The following KIAA1549L variants were observed in gnomAD, a reference collection of about 807,000 sequenced individuals.
The protein encoded by KIAA1549L is KIAA1549 like.
In KIAA1549L, 88 loss-of-function variants were observed where a neutral mutation model predicts 160.7. The ratio of observed to expected loss-of-function variants is 0.55; its 90% CI spans 0.46 to 0.65. The LOEUF (loss-of-function observed/expected upper bound fraction) is 0.65. Among genes scored for constraint, KIAA1549L ranks in the 30% least tolerant of loss-of-function variants. The probability of loss-of-function intolerance (pLI) is 0.00; values close to 1 mark genes in which losing one functional copy is unlikely to be tolerated. For missense variants in KIAA1549L, 2,258 were observed against 2,437.5 expected (o/e 0.93, Z 1.55); for synonymous variants, 950 against 976.7 (o/e 0.97, Z 0.51).
chr11:33,534,794 G>C (rs114982857), intron 1 of KIAA1549L, among the ~76,000 whole-genome samples: 2 of 152,054 alleles, frequency 1.3e-5, no homozygotes, highest in Non-Finnish European at 2.9e-5. Flanking sequence ...CTTTTTGACT[G>C]TCTTGATGGC....
intron 16 of KIAA1549L, among the ~76,000 whole-genome samples, chr11:33,629,132 G>A (rs1232251825): frequency 6.6e-6 from 1 of 152,186 alleles, no homozygotes; most frequent in Non-Finnish European, 1.5e-5. Context: ...CTTCTGGCTT[G>A]TAGAGTTTCT....
chr11:33,502,519 A>G (rs1042089057), intron 1 of KIAA1549L, among the ~76,000 whole-genome samples: 2 of 152,116 alleles, frequency 1.3e-5, no homozygotes, highest in African/African-American at 4.8e-5. Context: ...AGCTTATTTC[A>G]TTGGGTGCCA....
At chr11:33,473,627 G>A (rs1291315291) in intron 1 of KIAA1549L, among the ~76,000 whole-genome samples, 4 of 152,140 alleles carry the variant, frequency 2.6e-5, no homozygotes, top group African/African-American at 4.8e-5. Flanking sequence ...CTCCGCTTCC[G>A]AGCATGGCAT....
chr11:33,530,334 G>GGAGCTTGCAGTGAACC (rs1853711035), intron 1 of KIAA1549L, among the ~76,000 whole-genome samples: 2 of 149,590 alleles, frequency 1.3e-5, no homozygotes, highest in Admixed American at 1.3e-4. Context: ...CCCAGGAGGT[G>GGAGCTTGCAGTGAACC]GAGCTTGCAG....
intron 1 of KIAA1549L, among the ~76,000 whole-genome samples, chr11:33,435,793 T>A (rs1231442710): frequency 3.3e-4 from 3 of 9,064 alleles, no homozygotes; most frequent in African/African-American, 2.4e-3. Context: ...TATATATATA[T>A]ATATATATAT....
intron 1 of KIAA1549L, among the ~76,000 whole-genome samples, chr11:33,455,178 A>C (rs780504460): frequency 3.5e-4 from 53 of 152,248 alleles, no homozygotes; most frequent in Non-Finnish European, 6.0e-4. Context: ...TTAGTTTGCC[A>C]GAAAGCTTGG....
At position 33,376,288 on chromosome 11, in the gene KIAA1549L, C is replaced by A. The variant is rs944799835; in HGVS notation, c.-364C>A. 2.0e-5 allele frequency among the ~76,000 whole-genome samples: 3 copies of A among 148,726 alleles called. No individual in the cohort carries two copies. Among genetic ancestry groups the A allele is most frequent in the African/African-American group, 7.3e-5 (3 of 40,978 alleles). On this transcript the variant is annotated 5_prime_UTR_variant, in exon 1 of 21. Coordinates refer to ENST00000658780, the MANE Select transcript of KIAA1549L (RefSeq NM_012194.3). This position sits in a 1 kb window ranked among gnomAD's most constrained non-coding sequence, Gnocchi z 5.8. ...GAGCGCGCCCCGCGGCCGCCACCCC[C>A]GTTCCCGGCAGCCTCGCCCCCTAGT...
At chr11:33,512,111 C>T (rs1853240342) in intron 1 of KIAA1549L, among the ~76,000 whole-genome samples, 1 of 152,132 alleles carries the variant, frequency 6.6e-6, no homozygotes, top group South Asian at 2.1e-4. Context: ...CTAATTTTAG[C>T]ACTCTAGAGG....
chr11:33,476,198 A>G (rs1299380224), intron 1 of KIAA1549L, among the ~76,000 whole-genome samples: 1 of 152,232 alleles, frequency 6.6e-6, no homozygotes, highest in African/African-American at 2.4e-5. Flanking sequence ...TTGAAAGACA[A>G]GTTTACTCTG....
intron 1 of KIAA1549L, among the ~76,000 whole-genome samples, chr11:33,536,027 T>A (rs1160662928): frequency 6.6e-6 from 1 of 152,232 alleles, no homozygotes; most frequent in Non-Finnish European, 1.5e-5. Context: ...TCTAAAATCT[T>A]ATGTATAAAG....
chr11:33,663,556 T>C (rs1852336626), intron 20 of KIAA1549L, among the ~76,000 whole-genome samples: 1 of 152,198 alleles, frequency 6.6e-6, no homozygotes, highest in East Asian at 1.9e-4. Context: ...ACAAGCTTGA[T>C]ACCATAGAGC....
intron 1 of KIAA1549L, among the ~76,000 whole-genome samples, chr11:33,458,637 G>C (rs1851878018): frequency 6.6e-6 from 1 of 152,214 alleles, no homozygotes; most frequent in South Asian, 2.1e-4. Context: ...AAGAACTGCT[G>C]TTTGGCAGCT....
chr11:33,491,470 T>C (rs1295214375), intron 1 of KIAA1549L, among the ~76,000 whole-genome samples: 1 of 152,220 alleles, frequency 6.6e-6, no homozygotes, highest in Non-Finnish European at 1.5e-5. Flanking sequence ...AGTTAGGGGC[T>C]ATGGGAAGAA....
At chr11:33,440,340 C>T (rs1219583979) in intron 1 of KIAA1549L, among the ~76,000 whole-genome samples, 1 of 150,908 alleles carries the variant, frequency 6.6e-6, no homozygotes, top group East Asian at 1.9e-4. Flanking sequence ...CGTTTTTAGC[C>T]GGGATGGTCT....
intron 8 of KIAA1549L, among the ~76,000 whole-genome samples, chr11:33,567,409 G>T (rs952293888): frequency 6.6e-6 from 1 of 152,160 alleles, no homozygotes; most frequent in African/African-American, 2.4e-5. Context: ...ACTGACAAGT[G>T]CCATAAGAGA....
At chr11:33,513,112 C>T (rs539803105) in intron 1 of KIAA1549L, among the ~76,000 whole-genome samples, 1 of 152,300 alleles carries the variant, frequency 6.6e-6, no homozygotes, top group South Asian at 2.1e-4. Flanking sequence ...ACACAGTGGT[C>T]AGGAGTGTCA....
intron 1 of KIAA1549L, among the ~76,000 whole-genome samples, chr11:33,468,482 A>T (rs1852107583): frequency 6.6e-6 from 1 of 152,236 alleles, no homozygotes; most frequent in South Asian, 2.1e-4. Context: ...GCTGGGACAT[A>T]CCTGTGTCAT....
At chr11:33,533,690 T>C (rs1453485546) in intron 1 of KIAA1549L, among the ~76,000 whole-genome samples, 5 of 152,170 alleles carry the variant, frequency 3.3e-5, no homozygotes, top group Non-Finnish European at 7.4e-5. Flanking sequence ...TTAGTGAAAA[T>C]GTATGTGTAT....
At chr11:33,419,878 A>G (rs1030771146) in intron 1 of KIAA1549L, among the ~76,000 whole-genome samples, 6 of 103,102 alleles carry the variant, frequency 5.8e-5, no homozygotes, top group Middle Eastern at 4.2e-3. Flanking sequence ...ACATACATAC[A>G]TACATACATA....
Sources: allele counts gnomAD v4.1 joint callset (sites outside exome capture counted in the v4.1 genomes callset), GRCh38; gene constraint gnomAD v4.1.1; non-coding constraint Gnocchi (gnomAD v3.1); transcripts MANE v1.5; gene names NCBI Gene and HGNC (gene_info 2026-07-23, HGNC 2026-07-21).